PTER: variants seen among roughly 807,000 people sequenced by gnomAD.
PTER encodes N-acetyltaurine hydrolase.
In PTER, 38 loss-of-function variants were observed where a neutral mutation model predicts 29.6. The ratio of observed to expected loss-of-function variants is 1.28; its 90% CI spans 0.99 to 1.68. The LOEUF is 1.68. Ranked by LOEUF, PTER falls within the 40% of genes most tolerant of loss-of-function variation. PTER has a pLI of 0.00. For missense variants in PTER, 482 were observed against 427.8 expected, an observed-to-expected ratio of 1.13 and a Z score of -1.12; for synonymous variants, 172 against 154.5, an observed-to-expected ratio of 1.11 and a Z score of -0.84.
At chr10:16,476,866 G>A (rs2133430210) in intron 1 of PTER, among the ~76,000 whole-genome samples, 1 of 149,288 alleles carries the variant, frequency 6.7e-6, no homozygotes, top group South Asian at 2.1e-4. Context: ...CCTGGCATTG[G>A]GGTTTTATTC....
At chr10:16,506,911 T>C (rs10795404) in intron 4 of PTER, among the ~76,000 whole-genome samples, 63,891 of 151,126 alleles carry the variant, frequency 0.42, 14,429 homozygotes, top group East Asian at 0.64. Flanking sequence ...CATGCCTGTG[T>C]ATTGGCACCA....
At position 16,459,433 on chromosome 10, in the gene PTER, A is replaced by G. The variant is rs192548738; in HGVS notation, c.-49+22386A>G. ...ACATTTGTCTCTGTTTAAGGAATCAATGGGGCCTTTGAGAAATCATAGGGC... is the reference window on the plus strand; with the variant it reads ...ACATTTGTCTCTGTTTAAGGAATCAGTGGGGCCTTTGAGAAATCATAGGGC... On this transcript the variant is annotated intron_variant, in intron 1 of 4. Coordinates refer to ENST00000535784, the MANE Select transcript of PTER (RefSeq NM_001261836.2). Among the ~76,000 whole-genome samples the G allele has an allele frequency of 7.9e-5, 12 of 152,360 alleles. No individual in the cohort carries two copies. The East Asian group carries it at 1.3e-3, about 17-fold the overall frequency.
chr10:16,463,111 T>A (rs1188403453), intron 1 of PTER, among the ~76,000 whole-genome samples: 1 of 150,366 alleles, frequency 6.7e-6, no homozygotes, highest in Non-Finnish European at 1.5e-5. Flanking sequence ...CAGAATCGCT[T>A]GAACCCGGGA....
Position 16,511,397 on chromosome 10 carries a change from C to T in PTER, c.*141C>T, listed in dbSNP as rs116282660. 3.2e-3 allele frequency: 2,442 copies of T among 771,042 alleles called. 52 individuals carry two copies. In the African/African-American group the frequency reaches 0.037, roughly 12 times the overall value. 47.8% of individuals were successfully genotyped at this position (771,042 alleles called of 1,614,324 possible). ...TTCTGATGAGAACTAGGAGGGTTTGCCTTCTCTGAGACCAGCTATTACAAC... is the reference window on the plus strand; with the variant it reads ...TTCTGATGAGAACTAGGAGGGTTTGTCTTCTCTGAGACCAGCTATTACAAC... On this transcript the variant is annotated 3_prime_UTR_variant, in exon 5 of 5. Transcript: ENST00000535784.
chr10:16,469,880 G>GT (rs11452216), intron 1 of PTER, among the ~76,000 whole-genome samples: 3,618 of 145,764 alleles, frequency 0.025, 144 homozygotes, highest in African/African-American at 0.089. Context: ...GTGCCTGGCT[G>GT]TTTTTTTTGT....
Position 16,511,236 on chromosome 10 carries a change from C to T in PTER, c.1030C>T (p.Gln344Ter). Residue 344 changes from glutamine to a stop codon, truncating the protein, a stop_gained, in exon 5 of 5, where the codon CAA becomes TAA. Coordinates refer to ENST00000535784, the MANE Select transcript of PTER (RefSeq NM_001261836.2). LOFTEE classifies it high-confidence loss of function. ...LDKILIENPK[Q>*]WLTFK ...TAAGATTCTAATAGAGAACCCTAAG[C>T]AATGGCTAACTTTCAAATAGGATGG... The T allele has an allele frequency of 2.5e-6, 4 of 1,613,878 alleles. No individual in the cohort carries two copies. Among genetic ancestry groups the T allele is most frequent in the Non-Finnish European group, 3.4e-6 (4 of 1,179,796 alleles).
intron 1 of PTER, among the ~76,000 whole-genome samples, chr10:16,482,658 C>A (rs1328096386): frequency 6.6e-6 from 1 of 152,156 alleles, no homozygotes; most frequent in African/African-American, 2.4e-5. Flanking sequence ...ACGTGATGCT[C>A]CTTTTCTTCA....
intron 1 of PTER, among the ~76,000 whole-genome samples, chr10:16,439,014 T>C (rs1429990651): frequency 6.6e-6 from 1 of 152,094 alleles, no homozygotes; most frequent in Non-Finnish European, 1.5e-5. Flanking sequence ...TTTTACCATT[T>C]AATGATATTT....
chr10:16,445,663 C>T (rs1029816474), intron 1 of PTER, among the ~76,000 whole-genome samples: 1 of 152,152 alleles, frequency 6.6e-6, no homozygotes, highest in Non-Finnish European at 1.5e-5. Context: ...ATCCGGTGAA[C>T]ACAGAAACTT....
chr10:16,493,324 CA>C (rs1223250139), intron 3 of PTER, among the ~76,000 whole-genome samples: 1 of 152,098 alleles, frequency 6.6e-6, no homozygotes, highest in Admixed American at 6.5e-5. Context: ...TTAAGTAGTA[CA>C]GGGGTGTTTG....
chr10:16,507,333 T>C (rs1387194184), intron 4 of PTER, among the ~76,000 whole-genome samples: 3 of 150,290 alleles, frequency 2.0e-5, no homozygotes, highest in Non-Finnish European at 4.4e-5. Context: ...ATGATCGGAG[T>C]GGGAAACTGA....
intron 1 of PTER, among the ~76,000 whole-genome samples, chr10:16,481,054 ATGT>A (rs773253614): frequency 6.6e-5 from 10 of 152,206 alleles, no homozygotes; most frequent in Non-Finnish European, 1.3e-4. Context: ...AGAATTAGAA[ATGT>A]TGTTCCCCTT....
At chr10:16,463,650 A>G (rs1834705490) in intron 1 of PTER, among the ~76,000 whole-genome samples, 1 of 152,186 alleles carries the variant, frequency 6.6e-6, no homozygotes, top group Admixed American at 6.6e-5. Flanking sequence ...TCCTGACCTC[A>G]GGTGATCCGC....
chr10:16,486,018 G>T (rs1835682114), intron 2 of PTER, among the ~76,000 whole-genome samples: 2 of 152,138 alleles, frequency 1.3e-5, no homozygotes, highest in Non-Finnish European at 2.9e-5. Context: ...TATTCTAGAT[G>T]CTGCTCCCCA....
At chr10:16,499,417 T>C (rs1050146635) in intron 3 of PTER, among the ~76,000 whole-genome samples, 1 of 151,346 alleles carries the variant, frequency 6.6e-6, no homozygotes, top group African/African-American at 2.4e-5. Context: ...TTTTTATTTT[T>C]AATTTAATTA....
intron 1 of PTER, among the ~76,000 whole-genome samples, chr10:16,473,229 G>C (rs1263630048): frequency 6.6e-6 from 1 of 151,862 alleles, no homozygotes; most frequent in Non-Finnish European, 1.5e-5. Context: ...AATAAAGGAG[G>C]CCTTCTGCCC....
intron 1 of PTER, among the ~76,000 whole-genome samples, chr10:16,455,113 C>A (rs1031888617): frequency 1.3e-5 from 2 of 151,942 alleles, no homozygotes; most frequent in Non-Finnish European, 2.9e-5. Context: ...CCTGTAGTCC[C>A]AGCTATTAGG....
downstream of PTER, chr10:16,513,803 A>T (rs4747277): frequency 6.5e-6 from 1 of 152,724 alleles, no homozygotes; most frequent in South Asian, 2.1e-4. Flanking sequence ...AATACCGTAC[A>T]TAATTACACA....
In PTER at chr10:16,491,507, G is replaced by A. The variant is rs992419618; in HGVS notation, c.698+4890G>A. Among the ~76,000 whole-genome samples the A allele has an allele frequency of 2.1e-4, 32 of 152,070 alleles. 1 individual carries two copies. The highest frequency in any genetic ancestry group is 1.0e-4 in the Non-Finnish European group (7 of 68,012). On this transcript the variant is annotated intron_variant, in intron 3 of 4. Coordinates refer to ENST00000535784, the MANE Select transcript of PTER (RefSeq NM_001261836.2). ...GCCAAGGACTTCAGCTTTCTGTAAC[G>A]GGGACAAATCACAAAGGGCATGTAT...
Sources: allele counts gnomAD v4.1 joint callset (sites outside exome capture counted in the v4.1 genomes callset), GRCh38; gene constraint gnomAD v4.1.1; transcripts MANE v1.5; gene names NCBI Gene and HGNC (gene_info 2026-07-23, HGNC 2026-07-21).